Variants in PPP1R1B observed in about 807,000 individuals in gnomAD.
PPP1R1B encodes protein phosphatase 1 regulatory subunit 1B.
Under a neutral mutation model 28.2 loss-of-function variants are expected in PPP1R1B, and 13 were observed. The observed-to-expected ratio is 0.46, with a 90% CI of 0.30 to 0.73. PPP1R1B has a LOEUF of 0.73. Ranked by LOEUF, PPP1R1B falls within the 30% of genes least tolerant of loss-of-function variation. PPP1R1B has a pLI of 0.07. For synonymous variants in PPP1R1B, 102 were observed against 97.5 expected (o/e 1.05, Z -0.27); for missense variants, 236 against 256.7 (o/e 0.92, Z 0.55).
rs144626342 is a variant in PPP1R1B at position 39,628,559 on chromosome 17, G to T, written c.82-611G>T. 4.5e-4 allele frequency: 440 copies of T among 985,786 alleles called. 2 individuals carry two copies. The African/African-American group carries it at 7.3e-3, about 16-fold the overall frequency. 61.1% of individuals were successfully genotyped at this position (985,786 alleles called of 1,614,324 possible). On this transcript the variant is annotated intron_variant, in intron 1 of 6. Transcript: ENST00000254079. ...CAGCCTTACAGAGACTGGAAAAGAAGCCCAAACCAAGGCCCCCAGAGAGGT... is the reference window on the plus strand; with the variant it reads ...CAGCCTTACAGAGACTGGAAAAGAATCCCAAACCAAGGCCCCCAGAGAGGT...
At chr17:39,635,327 G>A (rs1298641378) in intron 5 of PPP1R1B, among the ~76,000 whole-genome samples, 1 of 152,194 alleles carries the variant, frequency 6.6e-6, no homozygotes, top group Non-Finnish European at 1.5e-5. Context: ...AGTGGCTCCT[G>A]GGTGCTGGCG....
In PPP1R1B at chr17:39,635,700, A is replaced by T. The variant is rs754012099; in HGVS notation, c.539A>T (p.Asp180Val). ...DESERDGGSE[D>V]QVEDPALSEP... ...TCCGAGAGAGATGGAGGCTCTGAGG[A>T]CCAAGTGGAAGACCCAGCACTAAGT... Residue 180 changes from aspartate (D) to valine (V), a missense_variant, in exon 6 of 7, where the codon GAC becomes GTC. Coordinates refer to ENST00000254079, the MANE Select transcript of PPP1R1B (RefSeq NM_032192.4). The T allele has an allele frequency of 1.2e-6, 2 of 1,613,876 alleles. No individual in the cohort carries two copies. The highest frequency in any genetic ancestry group is 2.7e-5 in the African/African-American group (2 of 74,874).
chr17:39,630,678 C>G (rs2056870496), intron 4 of PPP1R1B, among the ~76,000 whole-genome samples: 1 of 152,218 alleles, frequency 6.6e-6, no homozygotes, highest in African/African-American at 2.4e-5. Context: ...AATCCCAGCA[C>G]TTTGGGAGGC....
chr17:39,631,944 G>A (rs893612793), intron 4 of PPP1R1B, among the ~76,000 whole-genome samples: 29 of 152,180 alleles, frequency 1.9e-4, no homozygotes, highest in Admixed American at 1.8e-3. Context: ...GGGTGGATGT[G>A]AGGGGAAGAC....
rs1023702917 is a variant in PPP1R1B at position 39,635,966 on chromosome 17, C to G, written c.*101C>G. 1.9e-5 allele frequency: 25 copies of G among 1,332,316 alleles called. No homozygotes were observed. Among genetic ancestry groups the G allele is most frequent in the Non-Finnish European group, 2.6e-5 (25 of 959,022 alleles). 82.5% of individuals were successfully genotyped at this position (1,332,316 alleles called of 1,614,324 possible). ...TGTTTTGTGCTCTTCCCCTCGCCTGCTAGGGCTGCGGCTTCTGACTTCTAG... is the reference window on the plus strand; with the variant it reads ...TGTTTTGTGCTCTTCCCCTCGCCTGGTAGGGCTGCGGCTTCTGACTTCTAG... On this transcript the variant is annotated 3_prime_UTR_variant, in exon 7 of 7. Transcript: ENST00000254079.
chr17:39,635,529 A>G, intron 5 of PPP1R1B, 78 bp from the exon 6 acceptor site: 1 of 1,545,600 alleles, frequency 6.5e-7, no homozygotes, highest in Non-Finnish European at 8.8e-7. Flanking sequence ...CTCAGCCATC[A>G]GACACTTAGC....
Position 39,633,982 on chromosome 17 carries a change from TG to T in PPP1R1B, c.344del (p.Gly115ValfsTer28). ...GATGAGCTGGGGGAGCTTCGGGAGC[TG>T]GGTTATCCAAGAGAGGAAGATGAGG... Reference protein sequence around the residue: ...EEDELGELRELGYPREEDEEE... With the variant: ...EEDELGELREXGYPREEDEEE... On this transcript the variant is annotated frameshift_variant, in exon 5 of 7. Transcript: ENST00000254079. LOFTEE classifies it high-confidence loss of function. The T allele has an allele frequency of 6.2e-7, 1 of 1,613,816 alleles. No homozygotes were observed. Among genetic ancestry groups the T allele is most frequent in the Non-Finnish European group, 8.5e-7 (1 of 1,179,898 alleles).
At chr17:39,629,514 C>CT in intron 2 of PPP1R1B, 26 bp from the exon 3 acceptor site, 1 of 1,613,530 alleles carries the variant, frequency 6.2e-7, no homozygotes, top group Non-Finnish European at 8.5e-7. Flanking sequence ...GGTTCTGGTT[C>CT]GGTTGGCTTT....
At chr17:39,631,254 A>C (rs549566158) in intron 4 of PPP1R1B, among the ~76,000 whole-genome samples, 8 of 152,304 alleles carry the variant, frequency 5.3e-5, no homozygotes, top group Middle Eastern at 3.4e-3. Flanking sequence ...TAAAAAAAGA[A>C]AAGGGTCAAG....
At chr17:39,633,412 C>T in intron 4 of PPP1R1B, 1 of 192,636 alleles carries the variant, frequency 5.2e-6, no homozygotes, top group Non-Finnish European at 1.1e-5. Context: ...TCAGGGTAAG[C>T]AGTGAGCCCT....
chr17:39,635,698 G>A lies in PPP1R1B; in HGVS notation c.537G>A (p.Glu179=), dbSNP rs2056915506. 1.2e-6 allele frequency: 2 copies of A among 1,614,140 alleles called. No individual in the cohort carries two copies. Among genetic ancestry groups the A allele is most frequent in the Non-Finnish European group, 1.7e-6 (2 of 1,180,026 alleles). The stretch of plus-strand genomic sequence containing the variant: ...AGTCCGAGAGAGATGGAGGCTCTGA[G>A]GACCAAGTGGAAGACCCAGCACTAA... ...LDESERDGGS[E]DQVEDPALSE... The change falls in exon 6 of 7, where the codon GAG becomes GAA. Residue 179 remains glutamate, a synonymous_variant. Coordinates refer to ENST00000254079, the MANE Select transcript of PPP1R1B (RefSeq NM_032192.4).
intron 1 of PPP1R1B, 105 bp downstream of exon 1, chr17:39,627,578 C>A: frequency 1.4e-6 from 1 of 707,876 alleles, no homozygotes; most frequent in Admixed American, 3.6e-5. Flanking sequence ...GGGGTGGGGG[C>A]GCAAGGAGAG....
intron 5 of PPP1R1B, among the ~76,000 whole-genome samples, chr17:39,635,295 AAT>A (rs1211570470): frequency 6.6e-6 from 1 of 152,208 alleles, no homozygotes; most frequent in Non-Finnish European, 1.5e-5. Flanking sequence ...ATGATGGAGC[AAT>A]ATAAACCACC....
intron 4 of PPP1R1B, 53 bp downstream of exon 4, chr17:39,630,100 G>A: frequency 6.5e-7 from 1 of 1,531,880 alleles, no homozygotes; most frequent in Non-Finnish European, 9.0e-7. Context: ...CTGGAACTGG[G>A]CAGACGCTAG....
intron 4 of PPP1R1B, chr17:39,630,472 T>G (rs2056869344): frequency 5.2e-6 from 1 of 191,562 alleles, no homozygotes. Flanking sequence ...TGCACACTGG[T>G]CTCCTCTTTC....
Position 39,631,553 on chromosome 17 carries a change from C to T in PPP1R1B, c.241+1506C>T, listed in dbSNP as rs140263652. Among the ~76,000 whole-genome samples the T allele has an allele frequency of 9.7e-3, 1,478 of 152,274 alleles. 12 individuals carry two copies. Among genetic ancestry groups the T allele is most frequent in the Non-Finnish European group, 0.015 (1,012 of 68,024 alleles). On this transcript the variant is annotated intron_variant, in intron 4 of 6. Transcript: ENST00000254079. ...CTCTTCCTGCCCGGCCAGCCCCCTC[C>T]GCTCCTGCGGAGGTTGGGAGGGAGA... is the stretch of plus-strand genomic sequence containing the variant.
chr17:39,634,961 C>T (rs2056906326), intron 5 of PPP1R1B, among the ~76,000 whole-genome samples: 1 of 152,152 alleles, frequency 6.6e-6, no homozygotes, highest in South Asian at 2.1e-4. Context: ...TTTGGGATGC[C>T]AAGGCTAGCG....
intron 2 of PPP1R1B, 25 bp from the exon 3 acceptor site, chr17:39,629,515 G>A (rs777460784): frequency 4.3e-6 from 7 of 1,613,370 alleles, no homozygotes; most frequent in Admixed American, 1.7e-5. Context: ...GTTCTGGTTC[G>A]GTTGGCTTTG....
chr17:39,628,539 T>C, intron 1 of PPP1R1B: 1 of 985,632 alleles, frequency 1.0e-6, no homozygotes, highest in Non-Finnish European at 1.2e-6. Context: ...TTCTGCAGCC[T>C]TACAGAGACT....
Sources: allele counts gnomAD v4.1 joint callset (sites outside exome capture counted in the v4.1 genomes callset), GRCh38; gene constraint gnomAD v4.1.1; transcripts MANE v1.5; gene names NCBI Gene and HGNC (gene_info 2026-07-23, HGNC 2026-07-21).